RAPGEF2: variants seen among roughly 807,000 people sequenced by gnomAD.
RAPGEF2 encodes PDZ domain containing guanine nucleotide exchange factor (GEF) 1.
Under a neutral mutation model 186.7 loss-of-function variants are expected in RAPGEF2, and 54 were observed. The ratio of observed to expected loss-of-function variants is 0.29; its 90% CI spans 0.23 to 0.36. The LOEUF (loss-of-function observed/expected upper bound fraction) is 0.36. Among genes scored for constraint, RAPGEF2 ranks in the 10% least tolerant of loss-of-function variants. RAPGEF2 has a pLI of 1.00. For missense variants in RAPGEF2, 1,532 were observed against 2,045.0 expected (o/e 0.75, Z 4.84); for synonymous variants, 712 against 705.9 (o/e 1.01, Z -0.14).
intron 3 of RAPGEF2, among the ~76,000 whole-genome samples, chr4:159,198,291 TTTC>T (rs1561074747): frequency 7.9e-5 from 2 of 25,166 alleles, no homozygotes; most frequent in African/African-American, 4.7e-4. Context: ...TCTTTCTTTC[TTTC>T]TTTCTTTCTT....
chr4:159,109,605 G>A (rs1194757810), intron 1 of RAPGEF2, among the ~76,000 whole-genome samples: 1 of 152,214 alleles, frequency 6.6e-6, no homozygotes, highest in Non-Finnish European at 1.5e-5. Context: ...GATGAAATGT[G>A]TGTCCCTCAA....
intron 7 of RAPGEF2, among the ~76,000 whole-genome samples, chr4:159,292,502 C>G (rs1242570896): frequency 6.6e-6 from 1 of 152,034 alleles, no homozygotes; most frequent in African/African-American, 2.4e-5. Context: ...ATGGGCTTCC[C>G]CCAACTTCCT....
chr4:159,104,297 C>G, intron 1 of RAPGEF2, 66 bp downstream of exon 1: 3 of 678,942 alleles, frequency 4.4e-6, no homozygotes, highest in South Asian at 3.7e-5. Context: ...CTTCCCCTGT[C>G]CCCCCACCTC....
intron 9 of RAPGEF2, among the ~76,000 whole-genome samples, chr4:159,316,084 T>C (rs527410633): frequency 6.6e-6 from 1 of 152,002 alleles, no homozygotes; most frequent in East Asian, 1.9e-4. Context: ...GCAACGGGCA[T>C]CTTCCCAGAT....
Position 159,332,431 on chromosome 4 carries a change from T to C in RAPGEF2, c.1889-20T>C. 1.2e-6 allele frequency: 2 copies of C among 1,601,456 alleles called. No individual in the cohort carries two copies. Among genetic ancestry groups the C allele is most frequent in the South Asian group, 1.1e-5 (1 of 89,266 alleles). On this transcript the variant is annotated intron_variant, in intron 16 of 29. Coordinates refer to ENST00000691494, the MANE Select transcript of RAPGEF2 (RefSeq NM_001394067.2). ...CTTATAATTGCCATTACGTGGTGTT[T>C]CTGTTTTCATTTATTTTAGTATTTA...
chr4:159,170,222 C>T (rs1745764127), intron 1 of RAPGEF2, among the ~76,000 whole-genome samples: 2 of 151,808 alleles, frequency 1.3e-5, no homozygotes, highest in Admixed American at 6.6e-5. Flanking sequence ...AATGTCTATT[C>T]AGGTCCTTTT....
rs370477370 is a variant in RAPGEF2, at chr4:159,240,331, C to CTTTTTTTTTTTTTTTTTT, written c.358-868_358-851dup. Among the ~76,000 whole-genome samples, 22 of 77,608 alleles carry CTTTTTTTTTTTTTTTTTT rather than the reference C, an allele frequency of 2.8e-4. 4 individuals carry two copies. The highest frequency in any genetic ancestry group is 1.2e-3 in the African/African-American group (22 of 18,596). 50.9% of individuals were successfully genotyped at this position (77,608 alleles called of 152,430 possible). A position where few individuals can be genotyped will look rare whatever the true frequency, so the allele number is the denominator to read the frequency against. On this transcript the variant is annotated intron_variant, in intron 5 of 29. Coordinates refer to ENST00000691494, the MANE Select transcript of RAPGEF2 (RefSeq NM_001394067.2). ...CCCTGTTCATTCATCAGCATTTCTA[C>CTTTTTTTTTTTTTTTTTT]TTTTTTTTTTTTTTTTTTTGGAGAC...
At chr4:159,286,906 C>A (rs903812710) in intron 7 of RAPGEF2, among the ~76,000 whole-genome samples, 1 of 152,116 alleles carries the variant, frequency 6.6e-6, no homozygotes, top group Non-Finnish European at 1.5e-5. Flanking sequence ...TGTCTTTCCC[C>A]ACTGGAATGC....
intron 22 of RAPGEF2, among the ~76,000 whole-genome samples, chr4:159,343,747 C>G (rs1729878463): frequency 6.6e-6 from 1 of 152,142 alleles, no homozygotes; most frequent in African/African-American, 2.4e-5. Flanking sequence ...ATAGTCTTGT[C>G]TCAATATCCA....
At chr4:159,279,218 A>T (rs542333904) in intron 7 of RAPGEF2, among the ~76,000 whole-genome samples, 2 of 152,364 alleles carry the variant, frequency 1.3e-5, no homozygotes, top group South Asian at 4.1e-4. Flanking sequence ...AAATCAGGAC[A>T]TAGAGAGGTA....
chr4:159,271,792 T>C (rs952605080), intron 7 of RAPGEF2, among the ~76,000 whole-genome samples: 4 of 152,204 alleles, frequency 2.6e-5, no homozygotes, highest in African/African-American at 9.7e-5. Context: ...ATATGTGACA[T>C]TCCAAGCAGC....
chr4:159,338,936 A>G lies in RAPGEF2; in HGVS notation c.2294-178A>G, dbSNP rs1266460056. On this transcript the variant is annotated intron_variant, in intron 18 of 29. Transcript: ENST00000691494. Reference sequence around the variant, plus strand: ...AATCTGTTATCTTTTAGGGAAAGGTATGTTCTTGCAGCAAAACAGCATGTA... The same window carrying G: ...AATCTGTTATCTTTTAGGGAAAGGTGTGTTCTTGCAGCAAAACAGCATGTA... Among the ~76,000 whole-genome samples, 3 of 152,204 alleles carry G rather than the reference A, an allele frequency of 2.0e-5. No individual in the cohort carries two copies. In the East Asian group the frequency reaches 5.8e-4, roughly 29 times the overall value.
intron 7 of RAPGEF2, among the ~76,000 whole-genome samples, chr4:159,279,391 G>A (rs938661243): frequency 6.6e-6 from 1 of 152,312 alleles, no homozygotes; most frequent in African/African-American, 2.4e-5. Flanking sequence ...TTTGTTTTCA[G>A]TGTGTCCTGT....
At chr4:159,168,472 A>T (rs1403460414) in intron 1 of RAPGEF2, among the ~76,000 whole-genome samples, 1 of 151,666 alleles carries the variant, frequency 6.6e-6, no homozygotes, top group Non-Finnish European at 1.5e-5. Context: ...TTCATTGCAA[A>T]GGAGGCAGAC....
At chr4:159,282,523 T>C in intron 7 of RAPGEF2, 1 of 370,276 alleles carries the variant, frequency 2.7e-6, no homozygotes, top group Non-Finnish European at 5.2e-6. Flanking sequence ...TCTGACGTCT[T>C]TAGAGGAGAC....
intron 3 of RAPGEF2, among the ~76,000 whole-genome samples, chr4:159,210,074 C>A (rs1385908663): frequency 6.6e-6 from 1 of 152,038 alleles, no homozygotes; most frequent in Non-Finnish European, 1.5e-5. Context: ...TGTGCATATA[C>A]ATAAAGAAAT....
intron 7 of RAPGEF2, among the ~76,000 whole-genome samples, chr4:159,296,335 T>G (rs887489408): frequency 1.3e-5 from 2 of 152,208 alleles, no homozygotes; most frequent in African/African-American, 4.8e-5. Flanking sequence ...AGATTAAAGT[T>G]TCATGAGTGA....
At chr4:159,348,943 A>G (rs1345982703) in intron 25 of RAPGEF2, among the ~76,000 whole-genome samples, 1 of 152,232 alleles carries the variant, frequency 6.6e-6, no homozygotes, top group Middle Eastern at 3.2e-3. Context: ...TGTTCTATAT[A>G]CTTTCTACAT....
chr4:159,133,818 T>A (rs1040800294), intron 1 of RAPGEF2, among the ~76,000 whole-genome samples: 1 of 151,986 alleles, frequency 6.6e-6, no homozygotes, highest in East Asian at 1.9e-4. Context: ...CTCCTGACCT[T>A]GTGATCCGCC....
Sources: allele counts gnomAD v4.1 joint callset (sites outside exome capture counted in the v4.1 genomes callset), GRCh38; gene constraint gnomAD v4.1.1; transcripts MANE v1.5; gene names NCBI Gene and HGNC (gene_info 2026-07-23, HGNC 2026-07-21).